The following XPO6 variants were observed in gnomAD, a reference collection of about 807,000 sequenced individuals.
The protein encoded by XPO6 is exportin 6.
XPO6 carries 3 observed loss-of-function variants against 130.0 expected under a neutral mutation model. The observed-to-expected ratio is 0.02, with a 90% confidence interval of 0.01 to 0.06. The LOEUF (loss-of-function observed/expected upper bound fraction) is 0.06, where lower values mean the gene tolerates loss of function less well. XPO6 is among the 10% of genes least tolerant of loss of function. The pLI is 1.00. For synonymous variants in XPO6, 524 were observed against 548.9 expected (o/e 0.95, Z 0.63); for missense variants, 970 against 1,393.0 (o/e 0.70, Z 4.83).
chr16:28,130,207 C>G (rs1362772771), intron 12 of XPO6, among the ~76,000 whole-genome samples: 1 of 152,244 alleles, frequency 6.6e-6, no homozygotes, highest in Non-Finnish European at 1.5e-5. Context: ...CACTGCAGGC[C>G]TCACTGCTGG....
At chr16:28,115,923 A>G (rs1440107116) in intron 15 of XPO6, among the ~76,000 whole-genome samples, 1 of 152,172 alleles carries the variant, frequency 6.6e-6, no homozygotes, top group Admixed American at 6.6e-5. Context: ...GTTAGCTTCC[A>G]ACTCTTCTTC....
chr16:28,163,140 A>G (rs527460260), intron 6 of XPO6, among the ~76,000 whole-genome samples: 44 of 152,338 alleles, frequency 2.9e-4, no homozygotes, highest in Non-Finnish European at 5.6e-4. Context: ...AGCCTTGGCC[A>G]GTAAAATGGG....
chr16:28,171,916 T>C (rs1215772347), intron 4 of XPO6, among the ~76,000 whole-genome samples: 1 of 152,136 alleles, frequency 6.6e-6, no homozygotes, highest in Admixed American at 6.6e-5. Context: ...CCTTTCTTTC[T>C]CCTCTACCTC....
chr16:28,170,916 T>A (rs2043438255), intron 4 of XPO6, among the ~76,000 whole-genome samples: 1 of 152,202 alleles, frequency 6.6e-6, no homozygotes, highest in African/African-American at 2.4e-5. Context: ...CTATTACACT[T>A]ATTTTTTAAT....
chr16:28,184,737 T>G (rs1310921385), intron 1 of XPO6, among the ~76,000 whole-genome samples: 2 of 152,218 alleles, frequency 1.3e-5, no homozygotes, highest in East Asian at 1.9e-4. Context: ...TAAAATAAGA[T>G]AGTGCTACAC....
intron 4 of XPO6, 26 bp from the exon 5 acceptor site, chr16:28,169,935 C>A: frequency 6.2e-7 from 1 of 1,612,620 alleles, no homozygotes; most frequent in Non-Finnish European, 8.5e-7. Context: ...ATGTTCTGAG[C>A]AGAGTGTTGG....
At chr16:28,109,477 T>A (rs1161894054) in intron 17 of XPO6, among the ~76,000 whole-genome samples, 1 of 151,446 alleles carries the variant, frequency 6.6e-6, no homozygotes, top group Non-Finnish European at 1.5e-5. Context: ...CAGGCCCTAC[T>A]CCCAACAGGC....
chr16:28,139,839 A>C (rs572925578), intron 9 of XPO6, among the ~76,000 whole-genome samples: 19 of 152,272 alleles, frequency 1.2e-4, no homozygotes, highest in Admixed American at 9.2e-4. Context: ...AAATAAATGA[A>C]GCAAAAACTG....
At chr16:28,114,588 C>G (rs1754848772) in intron 15 of XPO6, among the ~76,000 whole-genome samples, 1 of 152,200 alleles carries the variant, frequency 6.6e-6, no homozygotes, top group South Asian at 2.1e-4. Flanking sequence ...ATCATCTGAG[C>G]CTTCAGAGCG....
In XPO6 at chr16:28,108,767, C is replaced by T. The variant is rs563925814; in HGVS notation, c.2342-1090G>A. On this transcript the variant is annotated intron_variant, in intron 17 of 23. Coordinates refer to ENST00000304658, the MANE Select transcript of XPO6 (RefSeq NM_015171.4). ...TGCTCAGCAGCCTCTGTGGGACTGC[C>T]GCAGCTTTGAGGAAGGGGTACGGCA... Among the ~76,000 whole-genome samples, 10 of 152,282 alleles carry T rather than the reference C, an allele frequency of 6.6e-5. No individual in the cohort carries two copies. In the East Asian group the frequency reaches 1.4e-3, roughly 21 times the overall value.
chr16:28,103,855 G>A (rs2086710179), intron 21 of XPO6, among the ~76,000 whole-genome samples: 2 of 152,202 alleles, frequency 1.3e-5, no homozygotes, highest in African/African-American at 4.8e-5. Context: ...TGGAGGGAGG[G>A]TGGAAATCCC....
At chr16:28,168,191 A>C (rs1341154290) in intron 5 of XPO6, among the ~76,000 whole-genome samples, 1 of 152,176 alleles carries the variant, frequency 6.6e-6, no homozygotes, top group Admixed American at 6.5e-5. Context: ...GGTGTCAAAA[A>C]ATGTGCTTTG....
intron 12 of XPO6, among the ~76,000 whole-genome samples, chr16:28,127,562 T>C (rs1010655857): frequency 6.6e-6 from 1 of 152,094 alleles, no homozygotes; most frequent in Admixed American, 6.6e-5. Flanking sequence ...ACCCTGTCCC[T>C]GGGAATACTG....
chr16:28,155,804 A>G, intron 7 of XPO6: 1 of 658,796 alleles, frequency 1.5e-6, no homozygotes, highest in South Asian at 3.7e-5. Flanking sequence ...AGGGGGCAAG[A>G]GGAGTAGAAG....
intron 4 of XPO6, among the ~76,000 whole-genome samples, chr16:28,174,354 C>T (rs1596932737): frequency 6.6e-6 from 1 of 152,278 alleles, no homozygotes; most frequent in East Asian, 1.9e-4. Context: ...ACACAACCCC[C>T]GCTAGTTTCT....
chr16:28,121,133 G>GT (rs1018694586), intron 14 of XPO6, among the ~76,000 whole-genome samples: 12 of 152,330 alleles, frequency 7.9e-5, no homozygotes, highest in African/African-American at 2.6e-4. Flanking sequence ...AGAGAGTGTG[G>GT]TCTCTAGATG....
chr16:28,150,813 T>A (rs1210788650), intron 8 of XPO6, among the ~76,000 whole-genome samples: 3 of 152,102 alleles, frequency 2.0e-5, no homozygotes, highest in African/African-American at 7.2e-5. Flanking sequence ...CATGGTCTCC[T>A]TTAAAATTCC....
intron 20 of XPO6, among the ~76,000 whole-genome samples, chr16:28,104,926 C>G (rs1459318043): frequency 6.6e-6 from 1 of 152,276 alleles, no homozygotes; most frequent in Non-Finnish European, 1.5e-5. Context: ...GCGGTTCACA[C>G]CGCGAGTTCT....
At chr16:28,166,389 C>T in intron 6 of XPO6, 119 bp downstream of exon 6, 1 of 1,045,186 alleles carries the variant, frequency 9.6e-7, no homozygotes, top group Non-Finnish European at 1.4e-6. Flanking sequence ...AAACTCTTGG[C>T]CTCTAGTGAT....
Sources: allele counts gnomAD v4.1 joint callset (sites outside exome capture counted in the v4.1 genomes callset), GRCh38; gene constraint gnomAD v4.1.1; transcripts MANE v1.5; gene names NCBI Gene and HGNC (gene_info 2026-07-23, HGNC 2026-07-21).